The following BAIAP2 variants were observed in gnomAD, a reference collection of about 807,000 sequenced individuals.
BAIAP2 encodes the protein BAR/IMD domain containing adaptor protein 2, also known as BAR/IMD domain-containing adapter protein 2.
A neutral mutation model predicts 63.0 loss-of-function variants in BAIAP2; 18 were observed. The observed-to-expected ratio is 0.29, with a 90% CI of 0.20 to 0.42. BAIAP2 has a LOEUF of 0.42. Ranked by LOEUF, BAIAP2 falls within the 10% of genes least tolerant of loss-of-function variation. BAIAP2 has a pLI of 1.00. For missense variants in BAIAP2, 610 were observed against 734.3 expected, an observed-to-expected ratio of 0.83 and a Z score of 1.96; for synonymous variants, 386 against 307.6, an observed-to-expected ratio of 1.25 and a Z score of -2.67.
intron 3 of BAIAP2, chr17:81,083,457 A>C (rs988565047): frequency 7.2e-5 from 11 of 152,234 alleles, no homozygotes; most frequent in African/African-American, 2.7e-4. Flanking sequence ...TTGTCCGTCA[A>C]AGGAGTACGG....
At chr17:81,111,231 A>C (rs976183880) in intron 13 of BAIAP2, among the ~76,000 whole-genome samples, 4 of 152,002 alleles carry the variant, frequency 2.6e-5, no homozygotes, top group Non-Finnish European at 5.9e-5. Flanking sequence ...TCTGGCCCTG[A>C]CCTTCTGTGT....
chr17:81,107,954 C>T (rs2059380995), intron 12 of BAIAP2: 2 of 163,402 alleles, frequency 1.2e-5, no homozygotes, highest in South Asian at 1.7e-4. Flanking sequence ...AGATGAAGGG[C>T]ACAGCCAGCC....
chr17:81,045,039 G>A (rs1019995779), intron 1 of BAIAP2, among the ~76,000 whole-genome samples: 6 of 152,226 alleles, frequency 3.9e-5, no homozygotes, highest in Admixed American at 2.6e-4. Flanking sequence ...GAAGGAAGTG[G>A]CCAGACTGCT....
At chr17:81,092,268 C>T (rs990055085) in intron 6 of BAIAP2, among the ~76,000 whole-genome samples, 1 of 152,230 alleles carries the variant, frequency 6.6e-6, no homozygotes, top group South Asian at 2.1e-4. Flanking sequence ...GTGTGAGGGG[C>T]GGCTTCATGC....
chr17:81,103,601 G>C lies in BAIAP2; in HGVS notation c.742G>C (p.Ala248Pro), dbSNP rs757844412. The change falls in exon 8 of 14, where the codon GCC becomes CCC. Residue 248 changes from alanine (A) to proline (P), a missense_variant. By Grantham distance (27) the Ala-to-Pro change is conservative. This residue lies in a region of BAIAP2 where 389 missense variants were observed against 455.6 expected (regional missense o/e 0.85). Transcript: ENST00000428708. ...CGCGGTGCAGCTCATGCAGCAGGTG[G>C]CCAGCAACGGCGCCACCCTCCCCAG... ...ERAVQLMQQVASNGATLPSAL... is the reference protein window; with the variant it reads ...ERAVQLMQQVPSNGATLPSAL... 6.2e-7 allele frequency: 1 copy of C among 1,605,020 alleles called. No homozygotes were observed. Among genetic ancestry groups the C allele is most frequent in the Non-Finnish European group, 8.5e-7 (1 of 1,179,282 alleles).
intron 10 of BAIAP2, chr17:81,104,990 C>CCCAACGGCAGGGATCTCCCT (rs2058958724): frequency 5.0e-6 from 2 of 397,318 alleles, no homozygotes; most frequent in Non-Finnish European, 9.3e-6. Flanking sequence ...GGGATCTCCC[C>CCCAACGGCAGGGATCTCCCT]CCAACGGCAG....
At chr17:81,045,109 G>A (rs2047624636) in intron 1 of BAIAP2, among the ~76,000 whole-genome samples, 1 of 152,222 alleles carries the variant, frequency 6.6e-6, no homozygotes, top group South Asian at 2.1e-4. Context: ...GGGTCATGGT[G>A]TCCTGCGTGC....
rs2060537813 is a variant in BAIAP2, at chr17:81,116,405, C to T, written c.*566C>T. On this transcript the variant is annotated 3_prime_UTR_variant, in exon 14 of 14. Transcript: ENST00000428708. Reference sequence around the variant, plus strand: ...CCCCTCGGTGGGGCTCTCCTGGGCCCCTCACTCCCACTGGCAATGTCACAA... The same window carrying T: ...CCCCTCGGTGGGGCTCTCCTGGGCCTCTCACTCCCACTGGCAATGTCACAA... 2 of 1,471,008 alleles carry T rather than the reference C, an allele frequency of 1.4e-6. No homozygotes were observed. The highest frequency in any genetic ancestry group is 2.0e-5 in the Admixed American group (1 of 51,114). 91.1% of individuals were successfully genotyped at this position (1,471,008 alleles called of 1,614,324 possible).
intron 1 of BAIAP2, among the ~76,000 whole-genome samples, chr17:81,052,498 G>A (rs1265197809): frequency 6.6e-6 from 1 of 152,228 alleles, no homozygotes; most frequent in Non-Finnish European, 1.5e-5. Context: ...GTATAGGCAG[G>A]ACTGAGGTGT....
chr17:81,115,484 C>CGCCCTGCCCT (rs769859338), intron 13 of BAIAP2, among the ~76,000 whole-genome samples: 1 of 145,752 alleles, frequency 6.9e-6, no homozygotes, highest in Non-Finnish European at 1.5e-5. Flanking sequence ...CGCCCCACCC[C>CGCCCTGCCCT]GCCCTGCCCT....
At position 81,057,905 on chromosome 17, in the gene BAIAP2, A is replaced by G. The variant is rs1436822616; in HGVS notation, c.155A>G (p.Tyr52Cys). The G allele has an allele frequency of 1.3e-6, 2 of 1,585,938 alleles. No homozygotes were observed. The highest frequency in any genetic ancestry group is 1.7e-5 in the Admixed American group (1 of 57,498). Reference sequence around the variant, plus strand: ...GGTGTGACGTATGCAGCCAAAGGCTACTTTGACGCCCTGGTGAAGATGGGG... The same window carrying G: ...GGTGTGACGTATGCAGCCAAAGGCTGCTTTGACGCCCTGGTGAAGATGGGG... The part of the protein sequence containing the change: ...LAGVTYAAKG[Y>C]FDALVKMGEL... The change falls in exon 3 of 14, where the codon TAC becomes TGC. Residue 52 changes from tyrosine (Y) to cysteine (C), a missense_variant. By Grantham distance (194) the Tyr-to-Cys change is radical. Transcript: ENST00000428708.
At chr17:81,056,110 C>T (rs1355540369) in intron 2 of BAIAP2, among the ~76,000 whole-genome samples, 9 of 152,164 alleles carry the variant, frequency 5.9e-5, no homozygotes, top group Admixed American at 2.6e-4. Flanking sequence ...GAAATGTTGA[C>T]GCTGGAGAGA....
intron 1 of BAIAP2, among the ~76,000 whole-genome samples, chr17:81,047,957 G>C (rs1009387892): frequency 6.6e-6 from 1 of 152,284 alleles, no homozygotes; most frequent in African/African-American, 2.4e-5. Flanking sequence ...GCCCACCCTG[G>C]CATCTGCCTT....
intron 5 of BAIAP2, 103 bp from the exon 6 acceptor site, chr17:81,086,340 G>A (rs1256797761): frequency 9.8e-6 from 14 of 1,426,932 alleles, no homozygotes; most frequent in Non-Finnish European, 1.3e-5. Context: ...CTGGCAAGGG[G>A]ACCCCGTTGC....
At chr17:81,084,152 G>A (rs1015965582) in intron 3 of BAIAP2, among the ~76,000 whole-genome samples, 1 of 152,182 alleles carries the variant, frequency 6.6e-6, no homozygotes, top group African/African-American at 2.4e-5. Flanking sequence ...AGCGCTGCCC[G>A]TGTGTCCCCA....
chr17:81,109,488 C>T (rs1036229019), intron 13 of BAIAP2: 25 of 985,786 alleles, frequency 2.5e-5, no homozygotes, highest in Admixed American at 6.1e-5. Flanking sequence ...ATCTCGCATC[C>T]GACTTCCCCG....
chr17:81,091,216 C>T (rs561530446), intron 6 of BAIAP2, among the ~76,000 whole-genome samples: 1 of 131,764 alleles, frequency 7.6e-6, no homozygotes, highest in East Asian at 2.4e-4. Flanking sequence ...ACCCCACAGG[C>T]CTCCTAGCTG....
intron 13 of BAIAP2, chr17:81,111,066 C>T (rs1471418206): frequency 1.7e-5 from 24 of 1,394,344 alleles, no homozygotes; most frequent in South Asian, 1.1e-4. Context: ...GGCTGCATGG[C>T]GGGGCCAGGG....
intron 6 of BAIAP2, among the ~76,000 whole-genome samples, chr17:81,096,959 G>A (rs2057728182): frequency 6.6e-6 from 1 of 152,152 alleles, no homozygotes; most frequent in African/African-American, 2.4e-5. Flanking sequence ...AAGTAGAGGA[G>A]GAGAAGAAGG....
Sources: gnomAD v4.1 joint callset for allele counts (sites outside exome capture counted in the v4.1 genomes callset) on GRCh38, gnomAD v4.1.1 for gene constraint, gnomAD v4.1.1 regional missense constraint, MANE v1.5 for transcripts, NCBI Gene and HGNC (gene_info 2026-07-23, HGNC 2026-07-21) for gene names.